THSD7A: variants seen among roughly 807,000 people sequenced by gnomAD.
The protein encoded by THSD7A is thrombospondin type 1 domain containing 7A.
A neutral mutation model predicts 231.3 loss-of-function variants in THSD7A; 96 were observed. The ratio of observed to expected loss-of-function variants is 0.41; its 90% CI spans 0.35 to 0.49. THSD7A has a LOEUF of 0.49. THSD7A is among the 20% of genes least tolerant of loss of function. The pLI is 0.05. For synonymous variants in THSD7A, 940 were observed against 743.3 expected (o/e 1.26, Z -4.30); for missense variants, 2,290 against 2,070.2 (o/e 1.11, Z -2.06).
At chr7:11,409,862 C>A (rs187415857) in intron 19 of THSD7A, among the ~76,000 whole-genome samples, 1 of 152,184 alleles carries the variant, frequency 6.6e-6, no homozygotes, top group African/African-American at 2.4e-5. Flanking sequence ...CCTGCCTTAG[C>A]CTCCTGAGTA....
At chr7:11,433,110 A>C (rs944574849) in intron 13 of THSD7A, among the ~76,000 whole-genome samples, 1 of 152,042 alleles carries the variant, frequency 6.6e-6, no homozygotes, top group African/African-American at 2.4e-5. Flanking sequence ...TGGAGTATCG[A>C]TAATGATCCA....
In THSD7A at chr7:11,617,188, T is replaced by C. The variant is rs145900971; in HGVS notation, c.1022+18942A>G. Among the ~76,000 whole-genome samples the C allele has an allele frequency of 4.0e-3, 602 of 152,330 alleles. 6 individuals carry two copies. The highest frequency in any genetic ancestry group is 0.013 in the African/African-American group (557 of 41,586). On this transcript the variant is annotated intron_variant, in intron 2 of 27. Coordinates refer to ENST00000423059, the MANE Select transcript of THSD7A (RefSeq NM_015204.3). Reference sequence around the variant, plus strand: ...TTGAATTGTTTTACCGGAACTATTATATAAGCTTATGTTCTCAACATTCAT... The same window carrying C: ...TTGAATTGTTTTACCGGAACTATTACATAAGCTTATGTTCTCAACATTCAT...
Position 11,634,519 on chromosome 7 carries a change from A to G in THSD7A, c.1022+1611T>C, listed in dbSNP as rs1309874040. On this transcript the variant is annotated intron_variant, in intron 2 of 27. Coordinates refer to ENST00000423059, the MANE Select transcript of THSD7A (RefSeq NM_015204.3). The surrounding 1 kb of genome is among the most constrained non-coding windows in gnomAD (Gnocchi z 4.1). ...CTTCAGGAAAAGAGATAAGAAAATCACCAGAATAAGGATAGTCAGAAAAGA... is the reference window on the plus strand; with the variant it reads ...CTTCAGGAAAAGAGATAAGAAAATCGCCAGAATAAGGATAGTCAGAAAAGA... 1.3e-5 allele frequency among the ~76,000 whole-genome samples: 2 copies of G among 152,140 alleles called. No homozygotes were observed. Among genetic ancestry groups the G allele is most frequent in the Non-Finnish European group, 2.9e-5 (2 of 68,014 alleles).
intron 1 of THSD7A, among the ~76,000 whole-genome samples, chr7:11,639,083 T>C (rs1781978087): frequency 1.3e-5 from 2 of 152,190 alleles, no homozygotes; most frequent in South Asian, 4.1e-4. Flanking sequence ...GACATATTTA[T>C]ATCAGACTCT....
chr7:11,716,363 A>C (rs1357990776), intron 1 of THSD7A, among the ~76,000 whole-genome samples: 1 of 151,584 alleles, frequency 6.6e-6, no homozygotes, highest in Non-Finnish European at 1.5e-5. Context: ...ATTAATAGGT[A>C]AACAGGAAAT....
At chr7:11,471,911 T>C (rs532218342) in intron 8 of THSD7A, among the ~76,000 whole-genome samples, 1 of 152,260 alleles carries the variant, frequency 6.6e-6, no homozygotes, top group African/African-American at 2.4e-5. Flanking sequence ...GGCAATTTTA[T>C]AACTTTAACA....
intron 1 of THSD7A, among the ~76,000 whole-genome samples, chr7:11,713,484 C>T (rs905176736): frequency 6.6e-6 from 1 of 151,164 alleles, no homozygotes; most frequent in Non-Finnish European, 1.5e-5. Flanking sequence ...AATTTACTGT[C>T]GTCTTGCCCT....
intron 3 of THSD7A, among the ~76,000 whole-genome samples, chr7:11,592,744 G>C (rs749105252): frequency 7.9e-5 from 12 of 152,102 alleles, no homozygotes; most frequent in African/African-American, 2.9e-4. Flanking sequence ...AATAGGATTT[G>C]TTATACAAAG....
At chr7:11,531,818 T>C (rs1221671967) in intron 6 of THSD7A, among the ~76,000 whole-genome samples, 6 of 152,064 alleles carry the variant, frequency 3.9e-5, no homozygotes, top group African/African-American at 1.2e-4. Context: ...TAGCAGAGCG[T>C]TGAAATGAAA....
At chr7:11,550,947 T>C (rs1789603615) in intron 4 of THSD7A, among the ~76,000 whole-genome samples, 1 of 152,116 alleles carries the variant, frequency 6.6e-6, no homozygotes, top group Non-Finnish European at 1.5e-5. Flanking sequence ...CTTCAAACTG[T>C]ACTACAAGGC....
chr7:11,651,079 G>C (rs755061912), intron 1 of THSD7A, among the ~76,000 whole-genome samples: 4 of 151,936 alleles, frequency 2.6e-5, no homozygotes, highest in African/African-American at 9.7e-5. Flanking sequence ...AGACAAAAAT[G>C]TGATATACAT....
At chr7:11,541,972 G>A (rs1789170881) in intron 5 of THSD7A, among the ~76,000 whole-genome samples, 1 of 152,110 alleles carries the variant, frequency 6.6e-6, no homozygotes, top group Non-Finnish European at 1.5e-5. Flanking sequence ...TGGTCAACTT[G>A]GAAAGTCTGT....
intron 1 of THSD7A, among the ~76,000 whole-genome samples, chr7:11,800,941 G>A (rs1479275908): frequency 1.3e-5 from 2 of 152,022 alleles, no homozygotes; most frequent in Admixed American, 1.3e-4. Flanking sequence ...TGGAGGTGCT[G>A]AATATATTTT....
chr7:11,575,301 C>G (rs1790844507), intron 4 of THSD7A, among the ~76,000 whole-genome samples: 1 of 152,116 alleles, frequency 6.6e-6, no homozygotes. Flanking sequence ...AACACTGGGT[C>G]TTTCTTACAT....
Position 11,409,171 on chromosome 7 carries a change from T to A in THSD7A, c.3799-1748A>T, listed in dbSNP as rs140148422. 7.9e-3 allele frequency among the ~76,000 whole-genome samples: 1,208 copies of A among 152,324 alleles called. 20 individuals are homozygous for A. Among genetic ancestry groups the A allele is most frequent in the African/African-American group, 0.027 (1,139 of 41,580 alleles). ...GAAAGAAAAAACCAATTACTAGGTA[T>A]CCAATGAGTAAATGTCTGAAAAACA... is the stretch of plus-strand genomic sequence containing the variant. On this transcript the variant is annotated intron_variant, in intron 19 of 27. Transcript: ENST00000423059.
chr7:11,721,091 T>C (rs1781334922), intron 1 of THSD7A, among the ~76,000 whole-genome samples: 1 of 151,876 alleles, frequency 6.6e-6, no homozygotes, highest in Non-Finnish European at 1.5e-5. Context: ...ATTAATATAT[T>C]AAACTGTTAG....
chr7:11,407,248 A>G (rs1379929882), intron 20 of THSD7A, 58 bp downstream of exon 20: 48 of 1,483,120 alleles, frequency 3.2e-5, no homozygotes, highest in Non-Finnish European at 4.3e-5. Context: ...AGCAAGAGGG[A>G]TATTTTATTT....
chr7:11,664,435 C>T (rs536240877), intron 1 of THSD7A, among the ~76,000 whole-genome samples: 5 of 151,834 alleles, frequency 3.3e-5, no homozygotes, highest in Non-Finnish European at 7.4e-5. Flanking sequence ...AGAGAACATA[C>T]CTCATAGGGA....
chr7:11,797,853 T>C (rs1459720407), intron 1 of THSD7A, among the ~76,000 whole-genome samples: 4 of 152,200 alleles, frequency 2.6e-5, no homozygotes, highest in Non-Finnish European at 5.9e-5. Context: ...AAAATAACTA[T>C]TTTAGTCTTA....
Sources: allele counts gnomAD v4.1 joint callset (sites outside exome capture counted in the v4.1 genomes callset), GRCh38; gene constraint gnomAD v4.1.1; non-coding constraint Gnocchi (gnomAD v3.1); transcripts MANE v1.5; gene names NCBI Gene and HGNC (gene_info 2026-07-23, HGNC 2026-07-21).